The following SCAPER variants were observed in gnomAD, a reference collection of about 807,000 sequenced individuals.
SCAPER encodes the protein S-phase cyclin A associated protein in the ER.
In SCAPER, 98 loss-of-function variants were observed where a neutral mutation model predicts 182.2. The ratio of observed to expected loss-of-function variants is 0.54; its 90% CI spans 0.46 to 0.64. The LOEUF is 0.64. SCAPER is among the 30% of genes least tolerant of loss of function. The pLI, the probability that SCAPER is intolerant of heterozygous loss-of-function variation, is 0.00. For synonymous variants in SCAPER, 605 were observed against 564.6 expected, an observed-to-expected ratio of 1.07 and a Z score of -1.01; for missense variants, 1,432 against 1,690.0, an observed-to-expected ratio of 0.85 and a Z score of 2.68.
chr15:76,378,538 T>G (rs2141912902), intron 28 of SCAPER, among the ~76,000 whole-genome samples: 1 of 152,362 alleles, frequency 6.6e-6, no homozygotes, highest in South Asian at 2.1e-4. Context: ...ATGTATTTAA[T>G]TTACTTAAGC....
intron 5 of SCAPER, among the ~76,000 whole-genome samples, chr15:76,807,508 T>C (rs1451776480): frequency 1.3e-5 from 2 of 152,060 alleles, no homozygotes; most frequent in Non-Finnish European, 2.9e-5. Flanking sequence ...TTAACTAACA[T>C]TATTTATTTT....
At chr15:76,834,607 A>C (rs2151734469) in intron 5 of SCAPER, among the ~76,000 whole-genome samples, 1 of 152,318 alleles carries the variant, frequency 6.6e-6, no homozygotes, top group East Asian at 1.9e-4. Flanking sequence ...TCAAAATATC[A>C]ATGAAGAAAA....
At chr15:76,535,387 T>C (rs1298514550) in intron 23 of SCAPER, among the ~76,000 whole-genome samples, 1 of 151,416 alleles carries the variant, frequency 6.6e-6, no homozygotes, top group Non-Finnish European at 1.5e-5. Context: ...CCAGGCGTGG[T>C]GGCGGGCACC....
chr15:76,901,506 T>C (rs1440095798), intron 1 of SCAPER, among the ~76,000 whole-genome samples: 1 of 152,190 alleles, frequency 6.6e-6, no homozygotes, highest in Non-Finnish European at 1.5e-5. Flanking sequence ...AGTGAGGAGG[T>C]AACTTTTATG....
At chr15:76,470,461 A>C (rs1231458301) in intron 25 of SCAPER, among the ~76,000 whole-genome samples, 1 of 152,188 alleles carries the variant, frequency 6.6e-6, no homozygotes, top group African/African-American at 2.4e-5. Flanking sequence ...TAGAGGCAAT[A>C]GCTTGTAGTT....
intron 20 of SCAPER, among the ~76,000 whole-genome samples, chr15:76,675,036 C>A (rs2057284966): frequency 6.6e-6 from 1 of 152,120 alleles, no homozygotes; most frequent in Non-Finnish European, 1.5e-5. Flanking sequence ...CAAGATAGTA[C>A]TTATGGAGAG....
intron 14 of SCAPER, among the ~76,000 whole-genome samples, chr15:76,763,246 G>A (rs1369050994): frequency 6.6e-6 from 1 of 150,492 alleles, no homozygotes; most frequent in Non-Finnish European, 1.5e-5. Flanking sequence ...ATCATGGCTG[G>A]CAGGGTTTTG....
At chr15:76,484,910 A>ATAG (rs1446395467) in intron 24 of SCAPER, among the ~76,000 whole-genome samples, 2 of 151,958 alleles carry the variant, frequency 1.3e-5, no homozygotes, top group Non-Finnish European at 2.9e-5. Context: ...ATACCCCAAA[A>ATAG]TAATAAGAGC....
intron 22 of SCAPER, among the ~76,000 whole-genome samples, chr15:76,577,741 A>G (rs2047954067): frequency 6.6e-6 from 1 of 151,986 alleles, no homozygotes; most frequent in African/African-American, 2.4e-5. Flanking sequence ...AGACTCAGAG[A>G]CATGATGGCT....
Position 76,702,871 on chromosome 15 carries a change from C to T in SCAPER, c.2379G>A (p.Gln793=), listed in dbSNP as rs1262395281. 6.2e-7 allele frequency: 1 copy of T among 1,607,592 alleles called. No individual in the cohort carries two copies. Among genetic ancestry groups the T allele is most frequent in the African/African-American group, 1.3e-5 (1 of 74,432 alleles). The change falls in exon 19 of 32, where the codon CAG becomes CAA. Residue 793 remains glutamine (Q), a synonymous_variant. Transcript: ENST00000563290. ...CTACCAGGACATTGCAGAGAGAACA[C>T]TGCTTCTTTCTTTCATAAGGGGTCA... ...PKLTPYERKK[Q]CSLCNVLISS...
chr15:76,543,013 T>C (rs1169563178), intron 23 of SCAPER, among the ~76,000 whole-genome samples: 2 of 152,066 alleles, frequency 1.3e-5, no homozygotes, highest in Non-Finnish European at 2.9e-5. Context: ...CTCAGTACAT[T>C]TTTTTAATTT....
At chr15:76,633,277 A>G (rs1229887175) in intron 21 of SCAPER, among the ~76,000 whole-genome samples, 1 of 152,128 alleles carries the variant, frequency 6.6e-6, no homozygotes, top group African/African-American at 2.4e-5. Flanking sequence ...GCCGAACAAC[A>G]AAGATGGCAG....
At chr15:76,900,122 A>C (rs577304601) in intron 1 of SCAPER, among the ~76,000 whole-genome samples, 1 of 152,210 alleles carries the variant, frequency 6.6e-6, no homozygotes, top group South Asian at 2.1e-4. Context: ...TGCTTTGTTA[A>C]ACAGATGCTT....
At chr15:76,529,483 A>C (rs1276851487) in intron 23 of SCAPER, among the ~76,000 whole-genome samples, 2 of 152,252 alleles carry the variant, frequency 1.3e-5, no homozygotes, top group Admixed American at 1.3e-4. Context: ...AGATGGTCAG[A>C]TGTAGTCCTT....
intron 5 of SCAPER, among the ~76,000 whole-genome samples, chr15:76,808,343 C>T (rs965065238): frequency 6.6e-6 from 1 of 152,162 alleles, no homozygotes; most frequent in Non-Finnish European, 1.5e-5. Context: ...AGCAATAAAA[C>T]TAGGTTTGCA....
At chr15:76,593,687 T>C (rs1162184178) in intron 22 of SCAPER, among the ~76,000 whole-genome samples, 1 of 121,558 alleles carries the variant, frequency 8.2e-6, no homozygotes, top group Admixed American at 9.3e-5. Context: ...AAACAGGATC[T>C]GGAGTGGACC....
chr15:76,765,112 T>C (rs1465511234), intron 13 of SCAPER, 40 bp from the exon 14 acceptor site: 1 of 1,402,366 alleles, frequency 7.1e-7, no homozygotes, highest in Admixed American at 2.2e-5. Context: ...ATGAAATGTT[T>C]ACATGATAAG....
intron 1 of SCAPER, among the ~76,000 whole-genome samples, chr15:76,903,531 G>A (rs2074914577): frequency 6.6e-6 from 1 of 152,156 alleles, no homozygotes; most frequent in Non-Finnish European, 1.5e-5. Flanking sequence ...ACCATGTAAG[G>A]AGACAGCTAG....
At chr15:76,785,149 T>C (rs1598724387) in intron 8 of SCAPER, among the ~76,000 whole-genome samples, 1 of 152,090 alleles carries the variant, frequency 6.6e-6, no homozygotes, top group Non-Finnish European at 1.5e-5. Context: ...AGGGCTAATA[T>C]CTAGAATCTA....
Sources: gnomAD v4.1 joint callset for allele counts (sites outside exome capture counted in the v4.1 genomes callset) on GRCh38, gnomAD v4.1.1 for gene constraint, MANE v1.5 for transcripts, NCBI Gene and HGNC (gene_info 2026-07-23, HGNC 2026-07-21) for gene names.